The following ANK3 variants were observed in gnomAD, a reference collection of about 807,000 sequenced individuals.
The protein encoded by ANK3 is ankyrin-3.
In ANK3, 57 loss-of-function variants were observed where a neutral mutation model predicts 370.9. The ratio of observed to expected loss-of-function variants is 0.15; its 90% CI spans 0.12 to 0.19. The LOEUF is 0.19. Among genes scored for constraint, ANK3 ranks in the 10% least tolerant of loss-of-function variants. The pLI is 1.00. For missense variants in ANK3, 4,439 were observed against 5,302.1 expected (o/e 0.84, Z 5.06); for synonymous variants, 1,929 against 1,946.3 (o/e 0.99, Z 0.23).
intron 7 of ANK3, among the ~76,000 whole-genome samples, chr10:60,240,969 A>T (rs1029991662): frequency 9.2e-5 from 14 of 152,196 alleles, no homozygotes; most frequent in Non-Finnish European, 1.5e-4. Flanking sequence ...GCTTTTCTAA[A>T]AAATTTCTAC....
Position 60,474,791 on chromosome 10 carries a change from CTG to C in ANK3, c.96+140393_96+140394del, listed in dbSNP as rs201861435. 8.6e-5 allele frequency among the ~76,000 whole-genome samples: 13 copies of C among 151,124 alleles called. No homozygotes were observed. In the East Asian group the frequency reaches 1.9e-3, roughly 23 times the overall value. On this transcript the variant is annotated intron_variant, in intron 2 of 43. Transcript: ENST00000373827. ...CTCATTTTGAAAACAGCACACATCT[CTG>C]TGTGTGTGTGTGTATTCACAGAAAA...
chr10:60,449,634 T>G (rs2064543751), intron 2 of ANK3, among the ~76,000 whole-genome samples: 1 of 152,226 alleles, frequency 6.6e-6, no homozygotes, highest in Non-Finnish European at 1.5e-5. Flanking sequence ...TTTCTAAACC[T>G]CAGTTACTTT....
chr10:60,330,766 G>A (rs1043621422), intron 1 of ANK3, among the ~76,000 whole-genome samples: 2 of 152,120 alleles, frequency 1.3e-5, no homozygotes, highest in Non-Finnish European at 2.9e-5. Context: ...TTATCACTGG[G>A]TATATACCCA....
intron 2 of ANK3, among the ~76,000 whole-genome samples, chr10:60,585,310 G>T (rs2077816505): frequency 6.6e-6 from 1 of 152,128 alleles, no homozygotes; most frequent in Non-Finnish European, 1.5e-5. Context: ...TATGTATATT[G>T]GTTGTTATTG....
intron 1 of ANK3, among the ~76,000 whole-genome samples, chr10:60,347,924 G>A (rs897544544): frequency 3.3e-5 from 5 of 151,988 alleles, no homozygotes; most frequent in Non-Finnish European, 7.4e-5. Flanking sequence ...TATTTGGACC[G>A]CAGCTTTACA....
intron 1 of ANK3, among the ~76,000 whole-genome samples, chr10:60,297,034 T>A (rs2042672968): frequency 6.6e-6 from 1 of 152,160 alleles, no homozygotes. Context: ...GTATCTGATC[T>A]TACAGATACA....
intron 1 of ANK3, among the ~76,000 whole-genome samples, chr10:60,653,445 G>T (rs1308247280): frequency 6.6e-6 from 1 of 151,400 alleles, no homozygotes; most frequent in Non-Finnish European, 1.5e-5. Flanking sequence ...TGATATTTTT[G>T]TTGAAAATTG....
chr10:60,478,165 C>A (rs17236977), intron 2 of ANK3, among the ~76,000 whole-genome samples: 11,529 of 152,040 alleles, frequency 0.076, 600 homozygotes, highest in South Asian at 0.17. Flanking sequence ...CAGAGTCCAA[C>A]CATGAAGCAG....
At chr10:60,271,276 C>T (rs2097978016) in intron 4 of ANK3, among the ~76,000 whole-genome samples, 2 of 152,096 alleles carry the variant, frequency 1.3e-5, no homozygotes, top group South Asian at 4.1e-4. Flanking sequence ...ATCGTCACAG[C>T]TCACTGCAGC....
chr10:60,531,183 A>C (rs1208198402), intron 2 of ANK3, among the ~76,000 whole-genome samples: 2 of 152,084 alleles, frequency 1.3e-5, no homozygotes, highest in Admixed American at 6.6e-5. Flanking sequence ...AATTATGCCC[A>C]AAAATAGAGG....
intron 43 of ANK3, among the ~76,000 whole-genome samples, chr10:60,036,374 T>C (rs1368936665): frequency 6.7e-6 from 1 of 148,166 alleles, no homozygotes; most frequent in Non-Finnish European, 1.5e-5. Context: ...GAGTGCTTAC[T>C]AAGGAGGGTC....
At chr10:60,499,731 C>T (rs1485437169) in intron 2 of ANK3, among the ~76,000 whole-genome samples, 1 of 152,108 alleles carries the variant, frequency 6.6e-6, no homozygotes, top group Non-Finnish European at 1.5e-5. Context: ...AAAAGGAAGG[C>T]TTGGCCATGC....
At chr10:60,400,872 A>G (rs1243572340) in intron 2 of ANK3, among the ~76,000 whole-genome samples, 2 of 151,952 alleles carry the variant, frequency 1.3e-5, no homozygotes, top group African/African-American at 4.8e-5. Context: ...TCCCCACCCC[A>G]CTTCCCAACA....
chr10:60,647,607 A>T lies in ANK3; in HGVS notation c.58-32383T>A, dbSNP rs545937622. Reference sequence around the variant, plus strand: ...AAATTCATAGTGTCTAAAAACAGTAAAAAAAAAAAAACTTGCCTTGTGAAA... The same window carrying T: ...AAATTCATAGTGTCTAAAAACAGTATAAAAAAAAAAACTTGCCTTGTGAAA... On this transcript the variant is annotated intron_variant, in intron 1 of 43. Transcript: ENST00000373827. Among the ~76,000 whole-genome samples the T allele has an allele frequency of 6.2e-3, 927 of 149,956 alleles. 6 individuals are homozygous for T. The highest frequency in any genetic ancestry group is 0.011 in the South Asian group (51 of 4,742).
chr10:60,469,250 T>C (rs1190137578), intron 2 of ANK3, among the ~76,000 whole-genome samples: 8 of 10,782 alleles, frequency 7.4e-4, no homozygotes, highest in African/African-American at 2.5e-3. Context: ...CCACTTTTAG[T>C]GTGTGTATAT....
intron 2 of ANK3, among the ~76,000 whole-genome samples, chr10:60,484,338 T>G (rs2075297465): frequency 6.6e-6 from 1 of 152,214 alleles, no homozygotes; most frequent in Non-Finnish European, 1.5e-5. Flanking sequence ...TATTCATTAT[T>G]CAAATCTTGA....
intron 1 of ANK3, among the ~76,000 whole-genome samples, chr10:60,299,911 C>G (rs974794054): frequency 2.6e-5 from 4 of 152,156 alleles, no homozygotes; most frequent in African/African-American, 9.7e-5. Flanking sequence ...CATATTGCCC[C>G]TTGTAATTAA....
intron 4 of ANK3, among the ~76,000 whole-genome samples, chr10:60,275,171 C>A (rs1286115276): frequency 6.6e-6 from 1 of 152,136 alleles, no homozygotes; most frequent in East Asian, 1.9e-4. Context: ...TTTGCATTTT[C>A]TTTTCTGTAG....
chr10:60,357,323 T>C (rs564606230), intron 1 of ANK3, among the ~76,000 whole-genome samples: 49 of 152,346 alleles, frequency 3.2e-4, no homozygotes, highest in African/African-American at 1.1e-3. Flanking sequence ...AACCATTCCC[T>C]TGTGTCTCTT....
Sources: allele counts gnomAD v4.1 joint callset (sites outside exome capture counted in the v4.1 genomes callset), GRCh38; gene constraint gnomAD v4.1.1; transcripts MANE v1.5; gene names NCBI Gene and HGNC (gene_info 2026-07-23, HGNC 2026-07-21).